Variants in SMARCAD1 observed in about 807,000 individuals in gnomAD.
The protein encoded by SMARCAD1 is SNF2 related chromatin remodeling ATPase with DExD box 1, also known as SWI/SNF-related matrix-associated actin-dependent regulator of chromatin subfamily A containing DEAD/H box 1.
In SMARCAD1, 25 loss-of-function variants were observed where a neutral mutation model predicts 127.1. The ratio of observed to expected loss-of-function variants is 0.20; its 90% CI spans 0.14 to 0.27. The LOEUF (loss-of-function observed/expected upper bound fraction) is 0.27. Ranked by LOEUF, SMARCAD1 falls within the 10% of genes least tolerant of loss-of-function variation. The probability of loss-of-function intolerance (pLI) is 1.00; values close to 1 mark genes in which losing one functional copy is unlikely to be tolerated. For missense variants in SMARCAD1, 807 were observed against 1,206.0 expected, an observed-to-expected ratio of 0.67 and a Z score of 4.90; for synonymous variants, 400 against 396.9, an observed-to-expected ratio of 1.01 and a Z score of -0.09.
intron 4 of SMARCAD1, among the ~76,000 whole-genome samples, chr4:94,235,228 CCTT>C (rs1430385969): frequency 1.9e-5 from 2 of 104,714 alleles, no homozygotes; most frequent in African/African-American, 3.7e-5. Context: ...AACCACCAAT[CCTT>C]TTTTTTTTTT....
intron 1 of SMARCAD1, 108 bp from the exon 2 acceptor site, chr4:94,208,238 C>T (rs1276140696): frequency 6.3e-6 from 5 of 790,280 alleles, no homozygotes; most frequent in Non-Finnish European, 1.1e-5. Context: ...AGTCCTGAGC[C>T]ACTGGCATGT....
chr4:94,229,359 G>A lies in SMARCAD1; in HGVS notation c.368+3063G>A, dbSNP rs1424984416. On this transcript the variant is annotated intron_variant, in intron 3 of 23. Transcript: ENST00000354268. ...GTAATGTTCCTTTTTCTCCCCATTTGTGCTTTTATTTATGTGGTACAATAA... is the reference window on the plus strand; with the variant it reads ...GTAATGTTCCTTTTTCTCCCCATTTATGCTTTTATTTATGTGGTACAATAA... 5.9e-5 allele frequency among the ~76,000 whole-genome samples: 9 copies of A among 152,106 alleles called. 1 individual carries two copies. In the East Asian group the frequency reaches 1.7e-3, roughly 29 times the overall value.
chr4:94,209,225 A>G (rs183197611), intron 2 of SMARCAD1, among the ~76,000 whole-genome samples: 3 of 152,354 alleles, frequency 2.0e-5, no homozygotes, highest in African/African-American at 7.2e-5. Context: ...TTAGAGGAAT[A>G]TATTTGAGCT....
chr4:94,214,265 G>GTTT (rs11418046), intron 2 of SMARCAD1, among the ~76,000 whole-genome samples: 2 of 131,740 alleles, frequency 1.5e-5, no homozygotes, highest in African/African-American at 2.8e-5. Context: ...GCGTTCTTTT[G>GTTT]TTTTTTTTTT....
rs1025235206 is a variant in SMARCAD1 at position 94,270,942 on chromosome 4, T to C, written c.1572+124T>C. On this transcript the variant is annotated intron_variant, in intron 11 of 23. Transcript: ENST00000354268. ...TAACTACTGCCACCTCAGTACCTTA[T>C]ATTTTATCTCATCTTTGTTTTTGAT... 18 of 747,958 alleles carry C rather than the reference T, an allele frequency of 2.4e-5. No individual in the cohort carries two copies. In the African/African-American group the frequency reaches 2.4e-4, roughly 10 times the overall value. The allele number at this position is 747,958 out of a possible 1,614,324, so 46.3% of individuals were successfully genotyped here.
chr4:94,245,032 G>T (rs1748202663), intron 6 of SMARCAD1, among the ~76,000 whole-genome samples: 1 of 152,174 alleles, frequency 6.6e-6, no homozygotes, highest in Admixed American at 6.5e-5. Flanking sequence ...TTGAAGCCTG[G>T]AGTAATATAC....
intron 6 of SMARCAD1, among the ~76,000 whole-genome samples, chr4:94,244,857 C>T (rs1402864047): frequency 6.6e-6 from 1 of 151,978 alleles, no homozygotes; most frequent in Non-Finnish European, 1.5e-5. Flanking sequence ...CTTTTGCCTC[C>T]AAAAACCACC....
Position 94,276,420 on chromosome 4 carries a change from C to A in SMARCAD1, c.1890C>A (p.Gly630=). ...LKLNYAIFDE[G]HMLKNMGSIR... ...TTAATTACGCAATTTTTGATGAGGG[C>A]CATATGCTGAAGAATATGGGCTCCA... is the stretch of plus-strand genomic sequence containing the variant. Residue 630 remains glycine (G), a synonymous_variant, in exon 15 of 24, where the codon GGC becomes GGA. Transcript: ENST00000354268. The A allele has an allele frequency of 1.2e-6, 2 of 1,613,982 alleles. No individual in the cohort carries two copies. Among genetic ancestry groups the A allele is most frequent in the Non-Finnish European group, 1.7e-6 (2 of 1,179,966 alleles).
rs1560577346 is a variant in SMARCAD1, at chr4:94,290,770, T to C, written c.*1236T>C. ...TGTATAACTTGTGAGTTCCATGTGTTTTGTTTTTATTATGTAAATATCATT... is the reference window on the plus strand; with the variant it reads ...TGTATAACTTGTGAGTTCCATGTGTCTTGTTTTTATTATGTAAATATCATT... On this transcript the variant is annotated 3_prime_UTR_variant, in exon 24 of 24. Transcript: ENST00000354268. The C allele has an allele frequency of 4.7e-6, 2 of 428,506 alleles. No individual in the cohort carries two copies. Among genetic ancestry groups the C allele is most frequent in the Non-Finnish European group, 9.2e-6 (2 of 217,688 alleles). The allele number at this position is 428,506 out of a possible 1,614,324, so 26.5% of individuals were successfully genotyped here. A position where few individuals can be genotyped will look rare whatever the true frequency, so the allele number is the denominator to read the frequency against.
intron 19 of SMARCAD1, among the ~76,000 whole-genome samples, chr4:94,280,140 T>C (rs1753822097): frequency 6.6e-6 from 1 of 152,188 alleles, no homozygotes; most frequent in South Asian, 2.1e-4. Flanking sequence ...GCTGGGATTA[T>C]AGGCGTGAGC....
intron 2 of SMARCAD1, among the ~76,000 whole-genome samples, chr4:94,218,093 CTT>C (rs1333981593): frequency 1.3e-5 from 2 of 152,068 alleles, no homozygotes; most frequent in African/African-American, 4.8e-5. Flanking sequence ...TCTCTTGACT[CTT>C]TGCCTTATAT....
At chr4:94,284,339 AAAAAAAAAAAAAAAG>A (rs1201753439) in intron 22 of SMARCAD1, among the ~76,000 whole-genome samples, 2 of 103,854 alleles carry the variant, frequency 1.9e-5, no homozygotes, top group Non-Finnish European at 2.2e-5. Flanking sequence ...AAAAAAAAAA[AAAAAAAAAAAAAAAG>A]AAAAAAGTAA....
chr4:94,226,507 A>ATTT (rs60198579), intron 3 of SMARCAD1, among the ~76,000 whole-genome samples: 34 of 112,978 alleles, frequency 3.0e-4, no homozygotes, highest in African/African-American at 1.1e-3. Flanking sequence ...GATAACAGTG[A>ATTT]TTTTTTTTTT....
At chr4:94,210,578 AAG>A in intron 2 of SMARCAD1, among the ~76,000 whole-genome samples, 1 of 152,290 alleles carries the variant, frequency 6.6e-6, no homozygotes, top group South Asian at 2.1e-4. Context: ...ATGGAGAAGA[AAG>A]AGATATGAGA....
At position 94,270,830 on chromosome 4, in the gene SMARCAD1, T is replaced by C. The variant is rs1256799977; in HGVS notation, c.1572+12T>C. The C allele has an allele frequency of 5.0e-6, 8 of 1,607,190 alleles. No individual in the cohort carries two copies. Among genetic ancestry groups the C allele is most frequent in the African/African-American group, 1.3e-5 (1 of 74,906 alleles). On this transcript the variant is annotated intron_variant, in intron 11 of 23. Transcript: ENST00000354268. Reference sequence around the variant, plus strand: ...TGGCAGATGAAATGGTAAGTGTACTTTATTTCTAAGATTTGTTGTTGAAAG... The same window carrying C: ...TGGCAGATGAAATGGTAAGTGTACTCTATTTCTAAGATTTGTTGTTGAAAG...
intron 9 of SMARCAD1, among the ~76,000 whole-genome samples, chr4:94,256,295 A>G (rs943452489): frequency 2.0e-5 from 3 of 151,994 alleles, no homozygotes; most frequent in Non-Finnish European, 2.9e-5. Context: ...GGTTTAGTCC[A>G]TGTCACACAC....
chr4:94,243,985 C>G (rs2125893024), intron 6 of SMARCAD1, among the ~76,000 whole-genome samples: 1 of 152,222 alleles, frequency 6.6e-6, no homozygotes, highest in Middle Eastern at 3.4e-3. Context: ...ACATCCCAAG[C>G]AACAGATATA....
chr4:94,272,288 G>A (rs576185773), intron 11 of SMARCAD1, among the ~76,000 whole-genome samples: 1 of 152,350 alleles, frequency 6.6e-6, no homozygotes, highest in Admixed American at 6.5e-5. Flanking sequence ...TGTATTGTCA[G>A]TGGGAAGGAG....
intron 23 of SMARCAD1, among the ~76,000 whole-genome samples, chr4:94,286,762 T>A (rs1754992273): frequency 1.3e-5 from 2 of 152,220 alleles, no homozygotes; most frequent in South Asian, 4.1e-4. Context: ...CAGTCTAAAA[T>A]TTTGCCTGTT....
Sources: allele counts gnomAD v4.1 joint callset (sites outside exome capture counted in the v4.1 genomes callset), GRCh38; gene constraint gnomAD v4.1.1; transcripts MANE v1.5; gene names NCBI Gene and HGNC (gene_info 2026-07-23, HGNC 2026-07-21).